The following ABTB2 variants were observed in gnomAD, a reference collection of about 807,000 sequenced individuals.
ABTB2 encodes the protein ankyrin repeat and BTB/POZ domain-containing protein 2.
In ABTB2, 56 loss-of-function variants were observed where a neutral mutation model predicts 104.1. The observed-to-expected ratio is 0.54, with a 90% CI of 0.43 to 0.67. ABTB2 has a LOEUF of 0.67. Among genes scored for constraint, ABTB2 ranks in the 30% least tolerant of loss-of-function variants. The pLI is 0.00. For synonymous variants in ABTB2, 606 were observed against 608.2 expected, an observed-to-expected ratio of 1.00 and a Z score of 0.05; for missense variants, 1,279 against 1,407.7, an observed-to-expected ratio of 0.91 and a Z score of 1.46.
At chr11:34,312,737 G>A (rs1854872755) in intron 1 of ABTB2, among the ~76,000 whole-genome samples, 1 of 152,142 alleles carries the variant, frequency 6.6e-6, no homozygotes, top group South Asian at 2.1e-4. Context: ...GTCCCACTCT[G>A]TCACCCAGTT....
chr11:34,261,666 T>C (rs1854190778), intron 1 of ABTB2, among the ~76,000 whole-genome samples: 1 of 152,220 alleles, frequency 6.6e-6, no homozygotes, highest in Admixed American at 6.5e-5. Context: ...GACTTAGCTA[T>C]AATGAGTTAA....
intron 2 of ABTB2, among the ~76,000 whole-genome samples, chr11:34,198,000 A>G (rs1001838366): frequency 2.0e-5 from 3 of 152,222 alleles, no homozygotes; most frequent in Non-Finnish European, 4.4e-5. Context: ...AGCACCAATT[A>G]CAACCACCAA....
intron 1 of ABTB2, among the ~76,000 whole-genome samples, chr11:34,255,633 T>A (rs1200570912): frequency 6.6e-6 from 1 of 152,208 alleles, no homozygotes; most frequent in Non-Finnish European, 1.5e-5. Flanking sequence ...TTCTTGTGTC[T>A]CAGCCTCCCA....
At chr11:34,159,226 C>T in intron 14 of ABTB2, 70 bp downstream of exon 14, 1 of 1,174,164 alleles carries the variant, frequency 8.5e-7, no homozygotes, top group Non-Finnish European at 1.3e-6. Context: ...CAATGCACAG[C>T]TGCCCACAAG....
intron 1 of ABTB2, among the ~76,000 whole-genome samples, chr11:34,330,133 G>A (rs1855112229): frequency 6.6e-6 from 1 of 152,174 alleles, no homozygotes; most frequent in Admixed American, 6.5e-5. Context: ...GGTCCCTGCT[G>A]GGTCACTCCT....
intron 1 of ABTB2, among the ~76,000 whole-genome samples, chr11:34,211,131 C>G (rs750524312): frequency 4.6e-5 from 7 of 152,016 alleles, no homozygotes; most frequent in Admixed American, 2.0e-4. Flanking sequence ...TGTTTTGAGA[C>G]GAGGTTTTAT....
chr11:34,210,477 C>A (rs980722652), intron 1 of ABTB2, among the ~76,000 whole-genome samples: 1 of 152,232 alleles, frequency 6.6e-6, no homozygotes, highest in Admixed American at 6.5e-5. Context: ...AAAAAGATGT[C>A]CTTTCTGTGT....
In ABTB2 at chr11:34,332,302, A is replaced by G. The variant is rs72914600; in HGVS notation, c.883+24399T>C. ...ACCTGTCCCAGCCTCCTGCATCTTC[A>G]CTGCCACCTACCCACTGCACAGTTC... On this transcript the variant is annotated intron_variant, in intron 1 of 16. Coordinates refer to ENST00000435224, the MANE Select transcript of ABTB2 (RefSeq NM_145804.3). 9.2e-3 allele frequency among the ~76,000 whole-genome samples: 1,408 copies of G among 152,266 alleles called. 10 individuals carry two copies. Among genetic ancestry groups the G allele is most frequent in the Non-Finnish European group, 0.014 (968 of 68,024 alleles).
intron 3 of ABTB2, among the ~76,000 whole-genome samples, chr11:34,175,091 G>C (rs1852945852): frequency 6.6e-6 from 1 of 152,206 alleles, no homozygotes; most frequent in African/African-American, 2.4e-5. Context: ...CTCTCTCCTT[G>C]GCTAGGAAGT....
intron 3 of ABTB2, among the ~76,000 whole-genome samples, chr11:34,176,165 G>C (rs996461141): frequency 1.3e-5 from 2 of 151,302 alleles, no homozygotes; most frequent in African/African-American, 2.4e-5. Context: ...CTGTAGTTCC[G>C]GCTACTCAGG....
intron 1 of ABTB2, among the ~76,000 whole-genome samples, chr11:34,321,731 C>A (rs147095571): frequency 6.6e-6 from 1 of 152,312 alleles, no homozygotes; most frequent in African/African-American, 2.4e-5. Flanking sequence ...TGGCAGCTGC[C>A]GCAGCTCTAG....
chr11:34,346,417 G>A (rs1486262549), intron 1 of ABTB2, among the ~76,000 whole-genome samples: 1 of 152,176 alleles, frequency 6.6e-6, no homozygotes, highest in African/African-American at 2.4e-5. Context: ...GTCAAGCACT[G>A]AAGCATGAGG....
intron 1 of ABTB2, among the ~76,000 whole-genome samples, chr11:34,223,435 G>A (rs145211552): frequency 1.3e-5 from 2 of 152,210 alleles, no homozygotes; most frequent in African/African-American, 4.8e-5. Flanking sequence ...TCTCCCCTGC[G>A]CCACCCCATT....
chr11:34,173,009 G>T, intron 4 of ABTB2, 146 bp downstream of exon 4: 1 of 1,012,418 alleles, frequency 9.9e-7, no homozygotes, highest in Non-Finnish European at 1.4e-6. Context: ...CTTGGCCTTT[G>T]CAGAGGACAC....
At chr11:34,188,032 C>T (rs925526843) in intron 3 of ABTB2, among the ~76,000 whole-genome samples, 17 of 152,206 alleles carry the variant, frequency 1.1e-4, no homozygotes, top group Non-Finnish European at 2.4e-4. Context: ...TGCACAAACA[C>T]CTTATTCTCT....
In ABTB2 at chr11:34,154,761, C is replaced by G. The variant is rs781106892; in HGVS notation, c.2706G>C (p.Met902Ile). 3.7e-5 allele frequency: 60 copies of G among 1,613,922 alleles called. No individual in the cohort carries two copies. Among genetic ancestry groups the G allele is most frequent in the Non-Finnish European group, 5.0e-5 (59 of 1,179,922 alleles). ...DMKYHIFQMM[M>I]QYLYYGGTES... ...CTGTTCCTCCGTAGTACAGATACTG[C>G]ATCATCATCTGTGGTGGGAAGAGGC... Residue 902 changes from methionine (M) to isoleucine (I), a missense_variant, in exon 15 of 17, where the codon ATG (methionine) becomes ATC (isoleucine). Physicochemically the swap from Met to Ile is conservative, Grantham distance 10. Coordinates refer to ENST00000435224, the MANE Select transcript of ABTB2 (RefSeq NM_145804.3). This position sits in a 1 kb window ranked among gnomAD's most constrained non-coding sequence, Gnocchi z 4.9.
chr11:34,263,983 G>A (rs1472301330), intron 1 of ABTB2, among the ~76,000 whole-genome samples: 1 of 152,188 alleles, frequency 6.6e-6, no homozygotes, highest in African/African-American at 2.4e-5. Context: ...ACATGCTGAC[G>A]TCTTTATGGA....
At position 34,356,957 on chromosome 11, in the gene ABTB2, G is replaced by T. The variant is rs1417649336; in HGVS notation, c.627C>A (p.Arg209=). ...ARCGLTFSVG[R]FFRWMVDTRI... is the part of the protein sequence containing the mutation. ...GGGTGTCCACCATCCAGCGGAAAAA[G>T]CGACCCACTGAGAAGGTGAGGCCGC... Residue 209 remains arginine (R), a synonymous_variant, in exon 1 of 17, where the codon CGC becomes CGA. Transcript: ENST00000435224. This position sits in a 1 kb window ranked among gnomAD's most constrained non-coding sequence, Gnocchi z 4.6. The T allele has an allele frequency of 1.3e-6, 2 of 1,598,264 alleles. No homozygotes were observed. Among genetic ancestry groups the T allele is most frequent in the African/African-American group, 2.7e-5 (2 of 74,810 alleles).
At chr11:34,327,281 C>T (rs757857822) in intron 1 of ABTB2, among the ~76,000 whole-genome samples, 1 of 152,182 alleles carries the variant, frequency 6.6e-6, no homozygotes, top group African/African-American at 2.4e-5. Flanking sequence ...GTAGACTTCA[C>T]AGCAAAGAAG....
Sources: gnomAD v4.1 joint callset for allele counts (sites outside exome capture counted in the v4.1 genomes callset) on GRCh38, gnomAD v4.1.1 for gene constraint, Gnocchi (gnomAD v3.1) non-coding constraint, MANE v1.5 for transcripts, NCBI Gene and HGNC (gene_info 2026-07-23, HGNC 2026-07-21) for gene names.